Variants in ANKS3 observed in about 807,000 individuals in gnomAD.
ANKS3 encodes the protein ankyrin repeat and sterile alpha motif domain containing 3.
In ANKS3, 62 loss-of-function variants were observed where a neutral mutation model predicts 80.7. The ratio of observed to expected loss-of-function variants is 0.77; its 90% CI spans 0.63 to 0.95. ANKS3 has a LOEUF of 0.95. Ranked by LOEUF, ANKS3 falls within the 40% of genes least tolerant of loss-of-function variation. ANKS3 has a pLI of 0.00. For synonymous variants in ANKS3, 489 were observed against 355.3 expected, an observed-to-expected ratio of 1.38 and a Z score of -4.23; for missense variants, 1,150 against 883.6, an observed-to-expected ratio of 1.30 and a Z score of -3.82.
intron 6 of ANKS3, among the ~76,000 whole-genome samples, chr16:4,722,376 C>T (rs2081148051): frequency 6.6e-6 from 1 of 151,496 alleles, no homozygotes; most frequent in African/African-American, 2.4e-5. Context: ...GTCAGGAGAT[C>T]GAGACCATCC....
At position 4,698,500 on chromosome 16, in the gene ANKS3, C is replaced by A; in HGVS notation, c.1651G>T (p.Glu551Ter). 1 of 1,555,488 alleles carries A rather than the reference C, an allele frequency of 6.4e-7. No homozygotes were observed. The highest frequency in any genetic ancestry group is 1.2e-5 in the South Asian group (1 of 85,976). ...SCLLEQDRAR[E>*]DLQARLRETW... The stretch of plus-strand genomic sequence containing the variant: ...TCCCGCAGCCGGGCCTGGAGGTCCT[C>A]GCGGGCGCGGTCCTGCTCCAGCAGG... The change falls in exon 14 of 18, where the codon GAG becomes TAG. Residue 551 changes from glutamate (E) to a stop codon, truncating the protein, a stop_gained. Transcript: ENST00000304283. LOFTEE classifies it high-confidence loss of function.
chr16:4,713,947 G>A, intron 7 of ANKS3, 104 bp downstream of exon 7: 1 of 1,476,246 alleles, frequency 6.8e-7, no homozygotes, highest in African/African-American at 1.4e-5. Flanking sequence ...AAATCTCAGA[G>A]AAGGTGGGAG....
In ANKS3 at chr16:4,730,078, G is replaced by A. The variant is rs766280955; in HGVS notation, c.72C>T (p.Leu24=). 1.0e-5 allele frequency: 16 copies of A among 1,594,094 alleles called. No individual in the cohort carries two copies. The highest frequency in any genetic ancestry group is 4.1e-5 in the African/African-American group (3 of 73,988). ...GCTCCTCCCCGCTGACCTGTGTCCC[G>A]AGCCCGTGCCACATGGACAAGCTGC... ...LNRSLSMWHG[L]GTQVSGEELD... The change falls in exon 3 of 18, where the codon CTC becomes CTT. Residue 24 remains leucine (L), a synonymous_variant. Transcript: ENST00000304283.
Position 4,730,066 on chromosome 16 carries a change from G to T in ANKS3, c.84C>A (p.Val28=). 1 of 1,593,836 alleles carries T rather than the reference G, an allele frequency of 6.3e-7. No homozygotes were observed. Among genetic ancestry groups the T allele is most frequent in the Non-Finnish European group, 8.6e-7 (1 of 1,168,402 alleles). The change falls in exon 3 of 18, where the codon GTC becomes GTA. Residue 28 remains valine, a synonymous_variant. Transcript: ENST00000304283. ...LSMWHGLGTQ[V]SGEELDVPLD... ...GGGGGACATCCAGCTCCTCCCCGCTGACCTGTGTCCCGAGCCCGTGCCACA... is the reference window on the plus strand; with the variant it reads ...GGGGGACATCCAGCTCCTCCCCGCTTACCTGTGTCCCGAGCCCGTGCCACA...
At chr16:4,726,064 C>T (rs2081335105) in intron 5 of ANKS3, among the ~76,000 whole-genome samples, 1 of 151,506 alleles carries the variant, frequency 6.6e-6, no homozygotes, top group Non-Finnish European at 1.5e-5. Context: ...CAAGCTCCAC[C>T]TCCCGGGTTC....
rs746877380 is a variant in ANKS3, at chr16:4,699,082, G to A, written c.1379C>T (p.Thr460Ile). The change falls in exon 12 of 18, where the codon ACT (threonine) becomes ATT (isoleucine). Residue 460 changes from threonine to isoleucine, a missense_variant. Physicochemically the swap from Thr to Ile is moderately conservative, Grantham distance 89. Transcript: ENST00000304283. ...GCCAATTTCCTTCAGGTCGCTCTCA[G>A]TGAGGGTCAGAAAGATGCGGAGGTC... ...DVDLRIFLTL[T>I]ESDLKEIGIT... The A allele has an allele frequency of 6.2e-7, 1 of 1,614,178 alleles. No homozygotes were observed. The highest frequency in any genetic ancestry group is 1.1e-5 in the South Asian group (1 of 91,088).
intron 10 of ANKS3, 120 bp from the exon 11 acceptor site, chr16:4,701,254 G>A: frequency 1.3e-6 from 2 of 1,508,414 alleles, no homozygotes; most frequent in East Asian, 2.3e-5. Flanking sequence ...CGCCACACAG[G>A]GGCTTCCGGT....
chr16:4,696,977 C>T lies in ANKS3; in HGVS notation c.*11+40G>A, dbSNP rs368556302. 71 of 1,595,370 alleles carry T rather than the reference C, an allele frequency of 4.5e-5. No homozygotes were observed. The African/African-American group carries it at 8.8e-4, about 20-fold the overall frequency. ...CCTGCAGCCGCCCAGACAGGCCCTGCTGCTCCCACCACGCGGGATCCAGGC... is the reference window on the plus strand; with the variant it reads ...CCTGCAGCCGCCCAGACAGGCCCTGTTGCTCCCACCACGCGGGATCCAGGC... On this transcript the variant is annotated intron_variant, in intron 17 of 17. Transcript: ENST00000304283.
chr16:4,697,018 G>T lies in ANKS3; in HGVS notation c.*10C>A, dbSNP rs112731039. The T allele has an allele frequency of 1.9e-6, 3 of 1,611,536 alleles. No individual in the cohort carries two copies. The highest frequency in any genetic ancestry group is 1.3e-5 in the African/African-American group (1 of 74,876). On this transcript the variant is annotated splice_region_variant and 3_prime_UTR_variant, in exon 17 of 18. Transcript: ENST00000304283. ...GGATCCAGGCTGGCAGACACTCACC[G>T]GCCCGCAGGCTAGGTCTCCCGCCAC...
chr16:4,707,764 G>C (rs2080275250), intron 7 of ANKS3, among the ~76,000 whole-genome samples: 1 of 152,184 alleles, frequency 6.6e-6, no homozygotes, highest in Non-Finnish European at 1.5e-5. Context: ...ATGCTAAACT[G>C]TATACAGATA....
At chr16:4,711,343 T>G (rs1377224085) in intron 7 of ANKS3, among the ~76,000 whole-genome samples, 4 of 151,426 alleles carry the variant, frequency 2.6e-5, no homozygotes, top group Non-Finnish European at 4.4e-5. Flanking sequence ...CCTCAGGTGA[T>G]CCGCCCAACT....
chr16:4,721,309 A>C (rs1233469123), intron 6 of ANKS3, among the ~76,000 whole-genome samples: 2 of 150,062 alleles, frequency 1.3e-5, no homozygotes, highest in African/African-American at 2.4e-5. Flanking sequence ...CATCTCAAAA[A>C]AAAAAAAAAA....
chr16:4,696,739 G>C lies in ANKS3; in HGVS notation c.*169C>G, dbSNP rs2079572329. 2 of 514,356 alleles carry C rather than the reference G, an allele frequency of 3.9e-6. No homozygotes were observed. Among genetic ancestry groups the C allele is most frequent in the Non-Finnish European group, 7.1e-6 (2 of 282,522 alleles). The allele number at this position is 514,356 out of a possible 1,614,324, so 31.9% of individuals were successfully genotyped here. A position where few individuals can be genotyped will look rare whatever the true frequency, so the allele number is the denominator to read the frequency against. On this transcript the variant is annotated 3_prime_UTR_variant, in exon 18 of 18. Transcript: ENST00000304283. The stretch of plus-strand genomic sequence containing the variant: ...TGCTGGCCCGAGCTGCCGAGCCAGG[G>C]CCGCAGCCCCCGTCTTGCCTCTGTC...
chr16:4,719,063 C>T (rs543230840), intron 6 of ANKS3, among the ~76,000 whole-genome samples: 1 of 152,212 alleles, frequency 6.6e-6, no homozygotes, highest in South Asian at 2.1e-4. Context: ...GGCCAAGCAC[C>T]GTGGTTCCTG....
At chr16:4,724,298 C>T (rs1424183647) in intron 6 of ANKS3, among the ~76,000 whole-genome samples, 1 of 152,078 alleles carries the variant, frequency 6.6e-6, no homozygotes, top group Non-Finnish European at 1.5e-5. Flanking sequence ...ACGTAGAATC[C>T]CACTTTGTTC....
intron 10 of ANKS3, 150 bp from the exon 11 acceptor site, chr16:4,701,284 A>T: frequency 7.2e-7 from 1 of 1,396,996 alleles, no homozygotes; most frequent in Non-Finnish European, 9.8e-7. Flanking sequence ...GTCGTCTGAG[A>T]AGCCAGACCC....
chr16:4,706,338 C>G (rs982489856), intron 7 of ANKS3, among the ~76,000 whole-genome samples: 4 of 152,156 alleles, frequency 2.6e-5, no homozygotes, highest in African/African-American at 9.7e-5. Context: ...TCACGCCACT[C>G]TCCTGCCTCA....
chr16:4,728,854 G>T (rs1007060126), intron 3 of ANKS3, among the ~76,000 whole-genome samples: 1 of 152,194 alleles, frequency 6.6e-6, no homozygotes, highest in Non-Finnish European at 1.5e-5. Flanking sequence ...GCCTCCTGTG[G>T]AGGGAGCGCA....
chr16:4,699,241 C>G, intron 11 of ANKS3, 65 bp from the exon 12 acceptor site: 1 of 1,566,118 alleles, frequency 6.4e-7, no homozygotes, highest in Non-Finnish European at 8.6e-7. Flanking sequence ...ACGTTTTCCT[C>G]CACTCGGAGC....
Sources: gnomAD v4.1 joint callset for allele counts (sites outside exome capture counted in the v4.1 genomes callset) on GRCh38, gnomAD v4.1.1 for gene constraint, MANE v1.5 for transcripts, NCBI Gene and HGNC (gene_info 2026-07-23, HGNC 2026-07-21) for gene names.